DPP10: variants seen among roughly 807,000 people sequenced by gnomAD.
The protein encoded by DPP10 is dipeptidyl peptidase like 10.
DPP10 carries 33 observed loss-of-function variants against 120.9 expected under a neutral mutation model. The ratio of observed to expected loss-of-function variants is 0.27; its 90% CI spans 0.21 to 0.37. The LOEUF (loss-of-function observed/expected upper bound fraction) is 0.37. Among genes scored for constraint, DPP10 ranks in the 10% least tolerant of loss-of-function variants. The pLI, the probability that DPP10 is intolerant of heterozygous loss-of-function variation, is 1.00. For synonymous variants in DPP10, 337 were observed against 326.1 expected, an observed-to-expected ratio of 1.03 and a Z score of -0.36; for missense variants, 816 against 942.8, an observed-to-expected ratio of 0.87 and a Z score of 1.76.
intron 1 of DPP10, among the ~76,000 whole-genome samples, chr2:114,663,668 T>TATAGAGAGAGAGAGAGAGAGAGAGAGAG: frequency 1.2e-4 from 10 of 80,710 alleles, no homozygotes; most frequent in African/African-American, 9.4e-4. Flanking sequence ...TATATATATA[T>TATAGAGAGAGAGAGAGAGAGAGAGAGAG]AGAGAGAGAG....
chr2:114,496,191 G>C (rs1573489212), intron 1 of DPP10, among the ~76,000 whole-genome samples: 1 of 152,000 alleles, frequency 6.6e-6, no homozygotes, highest in South Asian at 2.1e-4. Context: ...AGATGTTTGG[G>C]GTTCTTAGGA....
chr2:115,460,385 T>G (rs1382584347), intron 3 of DPP10, among the ~76,000 whole-genome samples: 1 of 152,134 alleles, frequency 6.6e-6, no homozygotes, highest in Non-Finnish European at 1.5e-5. Flanking sequence ...TCAAGTAATA[T>G]CTCCCAAGGT....
intron 1 of DPP10, among the ~76,000 whole-genome samples, chr2:114,749,360 A>G (rs1281023456): frequency 6.6e-6 from 1 of 152,104 alleles, no homozygotes; most frequent in Non-Finnish European, 1.5e-5. Context: ...GTTCCCAGCC[A>G]TGTCTTTTAT....
At chr2:114,985,215 T>C (rs1331458318) in intron 1 of DPP10, among the ~76,000 whole-genome samples, 2 of 152,220 alleles carry the variant, frequency 1.3e-5, no homozygotes, top group Non-Finnish European at 2.9e-5. Context: ...CTCTTGACTT[T>C]GTACTTTTTT....
chr2:115,592,314 C>G (rs186233782), intron 5 of DPP10, among the ~76,000 whole-genome samples: 29 of 152,186 alleles, frequency 1.9e-4, no homozygotes, highest in Admixed American at 3.3e-4. Flanking sequence ...GCTTGACTGG[C>G]AAGGGTGGTC....
chr2:114,724,493 T>C (rs1701913464), intron 1 of DPP10, among the ~76,000 whole-genome samples: 1 of 152,220 alleles, frequency 6.6e-6, no homozygotes, highest in South Asian at 2.1e-4. Context: ...GGTTGATTTT[T>C]ATACCTCACA....
At chr2:115,502,658 T>C in intron 4 of DPP10, among the ~76,000 whole-genome samples, 1 of 152,148 alleles carries the variant, frequency 6.6e-6, no homozygotes, top group Admixed American at 6.6e-5. Flanking sequence ...CCAAGCCCCA[T>C]GTGCTTAAGT....
Position 114,461,803 on chromosome 2 carries a change from G to C in DPP10, c.60+18965G>C, listed in dbSNP as rs368032812. 2.5e-5 allele frequency: 25 copies of C among 985,190 alleles called. No individual in the cohort carries two copies. In the East Asian group the frequency reaches 6.8e-4, roughly 27 times the overall value. The allele number at this position is 985,190 out of a possible 1,614,324, so 61.0% of individuals were successfully genotyped here. On this transcript the variant is annotated intron_variant, in intron 1 of 25. Coordinates refer to ENST00000410059, the MANE Select transcript of DPP10 (RefSeq NM_020868.6). ...AGGATTAGAGAAATAATATACACAA[G>C]TACCTGGTACATACCAAATATGATA...
chr2:114,475,555 T>A (rs1248461991), intron 1 of DPP10, among the ~76,000 whole-genome samples: 1 of 150,606 alleles, frequency 6.6e-6, no homozygotes, highest in Non-Finnish European at 1.5e-5. Context: ...GGGATGATTG[T>A]TAAAAATGCA....
At chr2:114,729,407 G>A (rs1214695706) in intron 1 of DPP10, among the ~76,000 whole-genome samples, 3 of 152,156 alleles carry the variant, frequency 2.0e-5, no homozygotes, top group Non-Finnish European at 4.4e-5. Flanking sequence ...GCCTCTTCGG[G>A]GATTTGGCAT....
intron 3 of DPP10, among the ~76,000 whole-genome samples, chr2:115,410,244 T>C (rs1257463212): frequency 6.6e-6 from 1 of 152,198 alleles, no homozygotes; most frequent in Non-Finnish European, 1.5e-5. Flanking sequence ...TGCCCATCAA[T>C]GATAGACTGG....
intron 10 of DPP10, among the ~76,000 whole-genome samples, chr2:115,748,934 T>A (rs893771328): frequency 3.3e-5 from 5 of 152,180 alleles, no homozygotes; most frequent in Admixed American, 6.5e-5. Context: ...GAGTGCAACT[T>A]TTCCTCAATA....
At chr2:115,051,180 T>G (rs1310130595) in intron 1 of DPP10, among the ~76,000 whole-genome samples, 2 of 152,176 alleles carry the variant, frequency 1.3e-5, no homozygotes, top group Non-Finnish European at 1.5e-5. Context: ...ACCTGAGACA[T>G]TGGTCTTAGC....
At chr2:114,816,436 CA>C (rs927924746) in intron 1 of DPP10, among the ~76,000 whole-genome samples, 1 of 152,144 alleles carries the variant, frequency 6.6e-6, no homozygotes, top group African/African-American at 2.4e-5. Context: ...GTCCATGGGC[CA>C]CCATCGTTTG....
chr2:114,968,195 T>C (rs111437796), intron 1 of DPP10, among the ~76,000 whole-genome samples: 2 of 152,342 alleles, frequency 1.3e-5, no homozygotes. Context: ...TTGTTGATAA[T>C]ATCTTCATGT....
At chr2:115,392,442 C>G (rs1266275981) in intron 3 of DPP10, among the ~76,000 whole-genome samples, 1 of 147,228 alleles carries the variant, frequency 6.8e-6, no homozygotes, top group Non-Finnish European at 1.5e-5. Flanking sequence ...CTTACTTTTT[C>G]ATTTTTTAAT....
intron 1 of DPP10, among the ~76,000 whole-genome samples, chr2:114,853,187 C>A (rs1337705918): frequency 2.0e-5 from 3 of 152,078 alleles, no homozygotes; most frequent in Non-Finnish European, 4.4e-5. Context: ...TGGTAAGGGG[C>A]TTGAGTGCGC....
At chr2:115,064,479 C>A in intron 1 of DPP10, 1 of 271,116 alleles carries the variant, frequency 3.7e-6, no homozygotes, top group South Asian at 4.3e-5. Context: ...CCAAAGGAGA[C>A]AGAGAGGATA....
At chr2:115,274,021 T>C (rs574763875) in intron 1 of DPP10, among the ~76,000 whole-genome samples, 5 of 152,172 alleles carry the variant, frequency 3.3e-5, no homozygotes, top group Non-Finnish European at 7.3e-5. Flanking sequence ...GTGTCATATA[T>C]GTCCATTGAT....
Sources: allele counts gnomAD v4.1 joint callset (sites outside exome capture counted in the v4.1 genomes callset), GRCh38; gene constraint gnomAD v4.1.1; transcripts MANE v1.5; gene names NCBI Gene and HGNC (gene_info 2026-07-23, HGNC 2026-07-21).